ASTN2: variants seen among roughly 807,000 people sequenced by gnomAD.
ASTN2 encodes astrotactin-2.
A neutral mutation model predicts 139.8 loss-of-function variants in ASTN2; 54 were observed. The observed-to-expected ratio is 0.39, with a 90% CI of 0.31 to 0.48. The LOEUF is 0.48. Ranked by LOEUF, ASTN2 falls within the 20% of genes least tolerant of loss-of-function variation. ASTN2 has a pLI of 0.95. For missense variants in ASTN2, 1,565 were observed against 1,725.1 expected, an observed-to-expected ratio of 0.91 and a Z score of 1.64; for synonymous variants, 756 against 719.5, an observed-to-expected ratio of 1.05 and a Z score of -0.81.
rs56925314 is a variant in ASTN2 at position 116,428,524 on chromosome 9, CA to C, written c.3783-2437del. ...GGGCAACAAGAGCAAAACTCCACCT[CA>C]AAAAAAAAAAAAGTAAAGGTAAAAG... On this transcript the variant is annotated intron_variant, in intron 22 of 22. Transcript: ENST00000313400. Among the ~76,000 whole-genome samples, 751 of 133,338 alleles carry C rather than the reference CA, an allele frequency of 5.6e-3. 4 individuals carry two copies. The highest frequency in any genetic ancestry group is 0.017 in the African/African-American group (596 of 35,576). The allele number at this position is 133,338 out of a possible 152,430, so 87.5% of individuals were successfully genotyped here.
chr9:116,859,421 G>A (rs1044070097), intron 11 of ASTN2, among the ~76,000 whole-genome samples: 1 of 152,162 alleles, frequency 6.6e-6, no homozygotes, highest in Non-Finnish European at 1.5e-5. Flanking sequence ...AAATATGTCA[G>A]ATTTTTTAAA....
intron 10 of ASTN2, among the ~76,000 whole-genome samples, chr9:116,960,232 C>T (rs1298254664): frequency 6.6e-6 from 1 of 152,150 alleles, no homozygotes; most frequent in African/African-American, 2.4e-5. Context: ...TCCCTTCTGA[C>T]TCCAGCCAAA....
At chr9:117,153,616 T>C (rs934946917) in intron 3 of ASTN2, among the ~76,000 whole-genome samples, 1 of 152,120 alleles carries the variant, frequency 6.6e-6, no homozygotes, top group African/African-American at 2.4e-5. Flanking sequence ...CCTCAAATAC[T>C]ACTTTAGGGC....
rs1275252878 is a variant in ASTN2, at chr9:116,492,361, C to T, written c.3356-4861G>A. ...CCTCCCAAAGTGCTGGGATTACAGG[C>T]ATGAGCCACTGTGAGAGCCTTGTTT... On this transcript the variant is annotated intron_variant, in intron 19 of 22. Coordinates refer to ENST00000313400, the MANE Select transcript of ASTN2 (RefSeq NM_001365068.1). 2.6e-5 allele frequency among the ~76,000 whole-genome samples: 4 copies of T among 152,256 alleles called. 1 individual carries two copies. The highest frequency in any genetic ancestry group is 2.0e-4 in the Admixed American group (3 of 15,278).
chr9:117,191,622 T>C (rs1588058617), intron 3 of ASTN2, among the ~76,000 whole-genome samples: 1 of 152,154 alleles, frequency 6.6e-6, no homozygotes, highest in Non-Finnish European at 1.5e-5. Flanking sequence ...GTCAGAGGCA[T>C]TGAGGTTGAG....
chr9:117,275,882 A>G (rs1011005733), intron 2 of ASTN2, among the ~76,000 whole-genome samples: 4 of 151,870 alleles, frequency 2.6e-5, no homozygotes, highest in Non-Finnish European at 5.9e-5. Context: ...TTAGGAGCTC[A>G]CTCTTATAAC....
chr9:116,904,255 G>A (rs909840373), intron 10 of ASTN2, among the ~76,000 whole-genome samples: 1 of 152,186 alleles, frequency 6.6e-6, no homozygotes, highest in Non-Finnish European at 1.5e-5. Flanking sequence ...CCAGGACACA[G>A]GAGCATCAGG....
intron 19 of ASTN2, among the ~76,000 whole-genome samples, chr9:116,501,889 A>C (rs1474134628): frequency 6.6e-6 from 1 of 151,346 alleles, no homozygotes; most frequent in Non-Finnish European, 1.5e-5. Flanking sequence ...GGATTGAATG[A>C]GGTCCTGAGC....
At chr9:117,367,330 C>G (rs757282983) in intron 1 of ASTN2, among the ~76,000 whole-genome samples, 36 of 152,166 alleles carry the variant, frequency 2.4e-4, no homozygotes, top group Non-Finnish European at 4.3e-4. Flanking sequence ...AAAGGGAGTA[C>G]AGTGATGAGT....
chr9:117,373,906 TAG>T (rs1227195545), intron 1 of ASTN2, among the ~76,000 whole-genome samples: 4 of 152,148 alleles, frequency 2.6e-5, no homozygotes, highest in Admixed American at 6.5e-5. Context: ...GAAGAGCTAA[TAG>T]AGTTACTGAA....
At chr9:116,967,904 C>T (rs769861983) in intron 10 of ASTN2, among the ~76,000 whole-genome samples, 15 of 152,194 alleles carry the variant, frequency 9.9e-5, no homozygotes, top group Non-Finnish European at 1.6e-4. Context: ...AGGCACACAT[C>T]CCTTCTTTAT....
rs182944956 is a variant in ASTN2 at position 117,132,910 on chromosome 9, A to G, written c.1168+8416T>C. The stretch of plus-strand genomic sequence containing the variant: ...AAAGAAGGATTTCCATAAGCATCCT[A>G]GCATATTCTCACGACAGTCCTGGAC... On this transcript the variant is annotated intron_variant, in intron 4 of 22. Coordinates refer to ENST00000313400, the MANE Select transcript of ASTN2 (RefSeq NM_001365068.1). 7.9e-5 allele frequency among the ~76,000 whole-genome samples: 12 copies of G among 152,312 alleles called. No homozygotes were observed. In the East Asian group the frequency reaches 2.3e-3, roughly 29 times the overall value.
intron 4 of ASTN2, among the ~76,000 whole-genome samples, chr9:117,137,785 T>A (rs1258989555): frequency 6.6e-6 from 1 of 152,110 alleles, no homozygotes; most frequent in African/African-American, 2.4e-5. Flanking sequence ...TTTGGAAGTA[T>A]AGGGCTGACA....
At chr9:117,106,646 A>T (rs188592192) in intron 4 of ASTN2, among the ~76,000 whole-genome samples, 9 of 152,320 alleles carry the variant, frequency 5.9e-5, no homozygotes, top group Admixed American at 2.0e-4. Flanking sequence ...ATCAAGTCAA[A>T]TTTTATTACT....
chr9:117,214,389 T>C lies in ASTN2; in HGVS notation c.984A>G (p.Pro328=), dbSNP rs746533059. 2 of 1,594,856 alleles carry C rather than the reference T, an allele frequency of 1.3e-6. No individual in the cohort carries two copies. The highest frequency in any genetic ancestry group is 1.7e-6 in the Non-Finnish European group (2 of 1,164,488). Residue 328 remains proline (P), a synonymous_variant, in exon 3 of 23, where the codon CCA becomes CCG. Coordinates refer to ENST00000313400, the MANE Select transcript of ASTN2 (RefSeq NM_001365068.1). The part of the protein sequence containing the change: ...VTHTLDSLGH[P]GEEKVDFEKK... ...TCTCAAAGTCCACCTTCTCTTCCCC[T>C]GGATGTCCCAGACTGTCCAGAGTGT...
intron 19 of ASTN2, among the ~76,000 whole-genome samples, chr9:116,511,322 T>C (rs1402270799): frequency 1.3e-5 from 2 of 152,232 alleles, no homozygotes; most frequent in Non-Finnish European, 2.9e-5. Flanking sequence ...TTTGCATATG[T>C]TGAACCAGCC....
intron 10 of ASTN2, among the ~76,000 whole-genome samples, chr9:116,909,770 A>G (rs1024061566): frequency 6.6e-6 from 1 of 152,232 alleles, no homozygotes; most frequent in Admixed American, 6.5e-5. Flanking sequence ...AGCCAAATTA[A>G]AAACAAACAA....
At chr9:116,988,089 G>A (rs1836736922) in intron 7 of ASTN2, among the ~76,000 whole-genome samples, 1 of 152,210 alleles carries the variant, frequency 6.6e-6, no homozygotes, top group Admixed American at 6.5e-5. Flanking sequence ...AACGGATACT[G>A]TAGAAAGGAA....
chr9:116,948,628 G>A lies in ASTN2; in HGVS notation c.1889+26580C>T, dbSNP rs1482116641. Reference sequence around the variant, plus strand: ...CATATGCTCATTGCTATTGGGTAATGGAGGGTTGGGGTAAGGAGGGTTGCT... The same window carrying A: ...CATATGCTCATTGCTATTGGGTAATAGAGGGTTGGGGTAAGGAGGGTTGCT... On this transcript the variant is annotated intron_variant, in intron 10 of 22. Coordinates refer to ENST00000313400, the MANE Select transcript of ASTN2 (RefSeq NM_001365068.1). 5.9e-5 allele frequency among the ~76,000 whole-genome samples: 9 copies of A among 151,718 alleles called. No homozygotes were observed. In the South Asian group the frequency reaches 1.9e-3, roughly 32 times the overall value.
Sources: gnomAD v4.1 joint callset for allele counts (sites outside exome capture counted in the v4.1 genomes callset) on GRCh38, gnomAD v4.1.1 for gene constraint, MANE v1.5 for transcripts, NCBI Gene and HGNC (gene_info 2026-07-23, HGNC 2026-07-21) for gene names.